Variants in CNTN5 observed in about 807,000 individuals in gnomAD.
The protein encoded by CNTN5 is contactin 5.
In CNTN5, 77 loss-of-function variants were observed where a neutral mutation model predicts 129.1. The observed-to-expected ratio is 0.60, with a 90% CI of 0.50 to 0.72. The LOEUF (loss-of-function observed/expected upper bound fraction) is 0.72. Among genes scored for constraint, CNTN5 ranks in the 30% least tolerant of loss-of-function variants. CNTN5 has a pLI of 0.00. For missense variants in CNTN5, 1,478 were observed against 1,328.8 expected (o/e 1.11, Z -1.75); for synonymous variants, 509 against 465.6 (o/e 1.09, Z -1.20).
intron 1 of CNTN5, among the ~76,000 whole-genome samples, chr11:99,021,781 T>C (rs902803634): frequency 1.3e-5 from 2 of 152,234 alleles, no homozygotes; most frequent in South Asian, 2.1e-4. Flanking sequence ...TTCGTGAGAC[T>C]GAGAAAAACT....
intron 1 of CNTN5, among the ~76,000 whole-genome samples, chr11:99,137,859 C>T (rs1237666416): frequency 1.3e-5 from 2 of 151,988 alleles, no homozygotes; most frequent in East Asian, 3.9e-4. Context: ...GGTATTTCTC[C>T]CCTGCAAGTT....
intron 1 of CNTN5, among the ~76,000 whole-genome samples, chr11:99,084,631 T>C (rs74536307): frequency 0.029 from 4,394 of 152,274 alleles, 90 homozygotes; most frequent in Middle Eastern, 0.068. Context: ...TTTCCCTTTT[T>C]CTCAACTGAA....
At chr11:99,630,679 C>T (rs917266403) in intron 3 of CNTN5, among the ~76,000 whole-genome samples, 3 of 152,098 alleles carry the variant, frequency 2.0e-5, no homozygotes, top group Non-Finnish European at 4.4e-5. Context: ...CAATTTACTT[C>T]AACACATTCT....
intron 3 of CNTN5, among the ~76,000 whole-genome samples, chr11:99,705,983 C>A (rs636916): frequency 6.6e-6 from 1 of 151,054 alleles, no homozygotes; most frequent in Non-Finnish European, 1.5e-5. Context: ...TGGAGAGAGA[C>A]GCCATCAAAC....
chr11:99,899,283 T>C (rs905142670), intron 6 of CNTN5, among the ~76,000 whole-genome samples: 3 of 152,026 alleles, frequency 2.0e-5, no homozygotes, highest in African/African-American at 7.2e-5. Context: ...TTAGTTAAAG[T>C]AGCCATCCTT....
At chr11:99,361,377 G>A (rs1939099478) in intron 2 of CNTN5, among the ~76,000 whole-genome samples, 1 of 152,100 alleles carries the variant, frequency 6.6e-6, no homozygotes, top group South Asian at 2.1e-4. Context: ...TTAGACAAGA[G>A]TTAGACACCT....
intron 17 of CNTN5, among the ~76,000 whole-genome samples, chr11:100,257,444 C>G (rs1327673083): frequency 6.6e-6 from 1 of 152,206 alleles, no homozygotes; most frequent in Non-Finnish European, 1.5e-5. Flanking sequence ...TGCTAAGGGA[C>G]AGACTGCCTC....
intron 1 of CNTN5, among the ~76,000 whole-genome samples, chr11:99,109,146 T>G (rs1040904419): frequency 2.0e-5 from 3 of 151,682 alleles, no homozygotes; most frequent in Non-Finnish European, 2.9e-5. Context: ...CATATTTATC[T>G]TTTAGTATGT....
At chr11:100,093,846 G>A (rs1430183140) in intron 13 of CNTN5, among the ~76,000 whole-genome samples, 1 of 152,048 alleles carries the variant, frequency 6.6e-6, no homozygotes, top group African/African-American at 2.4e-5. Context: ...TGATCTAGAA[G>A]TTCTATTAGT....
At chr11:99,119,163 G>T (rs150357621) in intron 1 of CNTN5, among the ~76,000 whole-genome samples, 3 of 151,814 alleles carry the variant, frequency 2.0e-5, no homozygotes, top group African/African-American at 7.3e-5. Context: ...CTTATTTTAG[G>T]TTCAGTGGTA....
chr11:100,258,065 A>G (rs1384466832), intron 17 of CNTN5, among the ~76,000 whole-genome samples: 1 of 152,212 alleles, frequency 6.6e-6, no homozygotes, highest in Non-Finnish European at 1.5e-5. Flanking sequence ...ATTACTAACT[A>G]AAATAACCAG....
intron 6 of CNTN5, among the ~76,000 whole-genome samples, chr11:99,852,898 AG>A (rs1947917561): frequency 2.0e-5 from 3 of 152,210 alleles, no homozygotes; most frequent in Admixed American, 1.3e-4. Flanking sequence ...CAAGCATAGG[AG>A]ATTCCAAAGC....
rs1938510816 is a variant in CNTN5, at chr11:99,983,948, G to A, written c.878-18086G>A. On this transcript the variant is annotated intron_variant, in intron 8 of 24. Transcript: ENST00000524871. ...ATTTAAATAACTGTATCATAAGGCA[G>A]AACATGATTGGTATCATAAGAAATA... Among the ~76,000 whole-genome samples, 4 of 152,072 alleles carry A rather than the reference G, an allele frequency of 2.6e-5. 1 individual carries two copies. In the South Asian group the frequency reaches 8.3e-4, roughly 32 times the overall value.
At chr11:99,630,756 C>T (rs779527704) in intron 3 of CNTN5, among the ~76,000 whole-genome samples, 33 of 152,098 alleles carry the variant, frequency 2.2e-4, no homozygotes, top group Non-Finnish European at 5.9e-5. Flanking sequence ...TATATCAAGT[C>T]CTTGACCAAT....
At chr11:100,122,094 G>A (rs1012401018) in intron 13 of CNTN5, among the ~76,000 whole-genome samples, 2 of 151,988 alleles carry the variant, frequency 1.3e-5, no homozygotes, top group African/African-American at 2.4e-5. Context: ...CAGGCTATCT[G>A]CAAGCTGGAG....
At chr11:99,573,685 G>A (rs1270425256) in intron 3 of CNTN5, among the ~76,000 whole-genome samples, 1 of 151,886 alleles carries the variant, frequency 6.6e-6, no homozygotes, top group Non-Finnish European at 1.5e-5. Flanking sequence ...GCCTGAGTGC[G>A]GTGGCGTGAT....
At chr11:100,059,418 A>C (rs1175107128) in intron 9 of CNTN5, among the ~76,000 whole-genome samples, 1 of 152,190 alleles carries the variant, frequency 6.6e-6, no homozygotes, top group Admixed American at 6.6e-5. Context: ...ATTGTATTAC[A>C]GGCACCATCA....
At chr11:99,488,195 T>G (rs956832091) in intron 2 of CNTN5, among the ~76,000 whole-genome samples, 2 of 138,870 alleles carry the variant, frequency 1.4e-5, no homozygotes, top group Admixed American at 1.5e-4. Flanking sequence ...TTTTTTGACA[T>G]GGAGTCTCGC....
intron 2 of CNTN5, among the ~76,000 whole-genome samples, chr11:99,410,279 A>T (rs900211315): frequency 9.2e-5 from 14 of 152,216 alleles, no homozygotes; most frequent in African/African-American, 3.4e-4. Context: ...CTTTATCTCA[A>T]TTTATAAAAT....
Sources: allele counts gnomAD v4.1 joint callset (sites outside exome capture counted in the v4.1 genomes callset), GRCh38; gene constraint gnomAD v4.1.1; transcripts MANE v1.5; gene names NCBI Gene and HGNC (gene_info 2026-07-23, HGNC 2026-07-21).